The following MTMR3 variants were observed in gnomAD, a reference collection of about 807,000 sequenced individuals.
The protein encoded by MTMR3 is phosphatidylinositol-3,5-bisphosphate 3-phosphatase MTMR3.
In MTMR3, 32 loss-of-function variants were observed where a neutral mutation model predicts 132.4. The observed-to-expected ratio is 0.24, with a 90% CI of 0.18 to 0.32. MTMR3 has a LOEUF of 0.32. Ranked by LOEUF, MTMR3 falls within the 10% of genes least tolerant of loss-of-function variation. The probability of loss-of-function intolerance (pLI) is 1.00; values close to 1 mark genes in which losing one functional copy is unlikely to be tolerated. For missense variants in MTMR3, 1,216 were observed against 1,489.6 expected (o/e 0.82, Z 3.02); for synonymous variants, 556 against 550.3 (o/e 1.01, Z -0.14).
At chr22:30,014,925 A>G (rs1313266089) in intron 14 of MTMR3, 1 of 152,244 alleles carries the variant, frequency 6.6e-6, no homozygotes, top group African/African-American at 2.4e-5. Flanking sequence ...CTGTATGCTG[A>G]TGAGTCCCAC....
In MTMR3 at chr22:29,952,618, G is replaced by C. The variant is rs554810216; in HGVS notation, c.-137-4418G>C. Among the ~76,000 whole-genome samples, 8 of 152,248 alleles carry C rather than the reference G, an allele frequency of 5.3e-5. No individual in the cohort carries two copies. In the South Asian group the frequency reaches 1.0e-3, roughly 20 times the overall value. On this transcript the variant is annotated intron_variant, in intron 1 of 19. Coordinates refer to ENST00000401950, the MANE Select transcript of MTMR3 (RefSeq NM_021090.4). ...TAGGAACTTTGTTTTGTTCATTGCT[G>C]TATTTCTAGTTCCTAGAATAGTGCC...
intron 1 of MTMR3, among the ~76,000 whole-genome samples, chr22:29,901,787 A>G (rs1431944406): frequency 6.6e-6 from 1 of 152,200 alleles, no homozygotes; most frequent in Non-Finnish European, 1.5e-5. Flanking sequence ...CCTGGTCTCA[A>G]GGGATCCTCC....
At chr22:29,896,840 A>T (rs935402956) in intron 1 of MTMR3, among the ~76,000 whole-genome samples, 10 of 147,148 alleles carry the variant, frequency 6.8e-5, no homozygotes, top group African/African-American at 2.3e-4. Context: ...TTAGTTAAAA[A>T]TTTTATAGTA....
At chr22:29,984,441 A>G (rs1601376631) in intron 5 of MTMR3, 1 of 152,134 alleles carries the variant, frequency 6.6e-6, no homozygotes, top group South Asian at 2.1e-4. Flanking sequence ...GCATGTCTGT[A>G]TGTCTGTTAA....
rs2285645 is a variant in MTMR3, at chr22:30,026,719, C to T, written c.*918C>T. ...CTGGTCCCCTAAACAATCTCTTCCT[C>T]AGCCAGCACAGGGAAATCCAGACTC... On this transcript the variant is annotated 3_prime_UTR_variant, in exon 20 of 20. Coordinates refer to ENST00000401950, the MANE Select transcript of MTMR3 (RefSeq NM_021090.4). 0.064 allele frequency: 9,789 copies of T among 152,960 alleles called. 730 individuals are homozygous for T. Among genetic ancestry groups the T allele is most frequent in the African/African-American group, 0.17 (7,127 of 41,542 alleles). The allele number at this position is 152,960 out of a possible 1,614,324, so 9.5% of individuals were successfully genotyped here.
chr22:29,971,374 T>C (rs1310018869), intron 3 of MTMR3, among the ~76,000 whole-genome samples: 1 of 152,180 alleles, frequency 6.6e-6, no homozygotes, highest in East Asian at 1.9e-4. Context: ...TTTTAATTCC[T>C]TTTCTAGGAA....
rs986157791 is a variant in MTMR3 at position 29,941,184 on chromosome 22, C to T, written c.-137-15852C>T. 3.3e-5 allele frequency among the ~76,000 whole-genome samples: 5 copies of T among 152,194 alleles called. No individual in the cohort carries two copies. The East Asian group carries it at 7.7e-4, about 23-fold the overall frequency. On this transcript the variant is annotated intron_variant, in intron 1 of 19. Coordinates refer to ENST00000401950, the MANE Select transcript of MTMR3 (RefSeq NM_021090.4). ...TACAATATTCTTTTCTAACTTGTTG[C>T]TTTGAGTCAACATCATGCTTTTGAG...
Position 29,959,568 on chromosome 22 carries a change from G to A in MTMR3, c.-85+2480G>A, listed in dbSNP as rs536825663. On this transcript the variant is annotated intron_variant, in intron 2 of 19. Transcript: ENST00000401950. Reference sequence around the variant, plus strand: ...TAATTTTTGTGTTTTTAGTAGAGACGGGGTTTCACTATGTTGGCCAGGCTG... The same window carrying A: ...TAATTTTTGTGTTTTTAGTAGAGACAGGGTTTCACTATGTTGGCCAGGCTG... 2.2e-4 allele frequency among the ~76,000 whole-genome samples: 33 copies of A among 151,704 alleles called. No homozygotes were observed. The South Asian group carries it at 5.4e-3, about 25-fold the overall frequency.
At chr22:30,025,369 A>G in intron 19 of MTMR3, 1 of 512,754 alleles carries the variant, frequency 2.0e-6, no homozygotes, top group Non-Finnish European at 3.5e-6. Context: ...ATTCTTTTGT[A>G]TACCTGAGCA....
intron 1 of MTMR3, among the ~76,000 whole-genome samples, chr22:29,914,951 GTAGA>G (rs1430766962): frequency 6.6e-6 from 1 of 152,080 alleles, no homozygotes; most frequent in Non-Finnish European, 1.5e-5. Flanking sequence ...TTAACTTCCT[GTAGA>G]TATTTTACTG....
In MTMR3 at chr22:29,906,282, GTCTGTCTATCTA is replaced by G. The variant is rs1336120429; in HGVS notation, c.-138+22927_-138+22938del. Among the ~76,000 whole-genome samples the G allele has an allele frequency of 5.6e-3, 488 of 87,784 alleles. 3 individuals are homozygous for G. The highest frequency in any genetic ancestry group is 8.6e-3 in the East Asian group (23 of 2,676). 57.6% of individuals were successfully genotyped at this position (87,784 alleles called of 152,430 possible). The stretch of plus-strand genomic sequence containing the variant: ...TGTCTGTCTGTCTGTCTGTCTGTCT[GTCTGTCTATCTA>G]TCTATCTATCTATCTATCTATCTAT... On this transcript the variant is annotated intron_variant, in intron 1 of 19. Coordinates refer to ENST00000401950, the MANE Select transcript of MTMR3 (RefSeq NM_021090.4).
At chr22:30,008,196 T>C in intron 11 of MTMR3, 164 bp downstream of exon 11, 1 of 872,826 alleles carries the variant, frequency 1.1e-6, no homozygotes, top group Non-Finnish European at 1.7e-6. Context: ...CACTGTATGT[T>C]CTTTTCTGAG....
intron 1 of MTMR3, among the ~76,000 whole-genome samples, chr22:29,907,570 G>A (rs1243965809): frequency 6.6e-6 from 1 of 152,090 alleles, no homozygotes; most frequent in Non-Finnish European, 1.5e-5. Context: ...ACCTGAGACA[G>A]AAAAGTTGAG....
chr22:29,988,276 T>G (rs911593150), intron 5 of MTMR3: 1 of 361,424 alleles, frequency 2.8e-6, no homozygotes, highest in African/African-American at 2.1e-5. Context: ...TGACATGACT[T>G]GAGACCACTG....
chr22:30,000,696 G>C (rs1412556816), intron 8 of MTMR3: 1 of 152,178 alleles, frequency 6.6e-6, no homozygotes, highest in Non-Finnish European at 1.5e-5. Flanking sequence ...TGAAGAGTTG[G>C]AGCTGCAGAC....
chr22:30,023,286 A>G lies in MTMR3; in HGVS notation c.3425+589A>G, dbSNP rs1470479409. The G allele has an allele frequency of 6.0e-6, 4 of 665,084 alleles. No individual in the cohort carries two copies. The Admixed American group carries it at 9.6e-5, about 16-fold the overall frequency. 41.2% of individuals were successfully genotyped at this position (665,084 alleles called of 1,614,324 possible). A position where few individuals can be genotyped will look rare whatever the true frequency, so the allele number is the denominator to read the frequency against. ...GATGTTCAGTGTTCTTAGAAGAGGA[A>G]GTTTATCTGAATCATGCCATAGCTC... On this transcript the variant is annotated intron_variant, in intron 19 of 19. Transcript: ENST00000401950.
intron 1 of MTMR3, among the ~76,000 whole-genome samples, chr22:29,943,816 CT>C (rs551855412): frequency 3.2e-5 from 3 of 93,464 alleles, no homozygotes; most frequent in Non-Finnish European, 6.4e-5. Flanking sequence ...ATGTGGACAA[CT>C]TTTTTTTTTC....
chr22:29,898,759 C>T (rs2064950621), intron 1 of MTMR3, among the ~76,000 whole-genome samples: 1 of 152,078 alleles, frequency 6.6e-6, no homozygotes, highest in Non-Finnish European at 1.5e-5. Flanking sequence ...TGTTAGTTCC[C>T]TGAATCCCAT....
chr22:29,929,455 T>C (rs1228158665), intron 1 of MTMR3, among the ~76,000 whole-genome samples: 1 of 152,150 alleles, frequency 6.6e-6, no homozygotes, highest in East Asian at 1.9e-4. Context: ...TGTTGAACAT[T>C]TGCATTTCTT....
Sources: gnomAD v4.1 joint callset for allele counts (sites outside exome capture counted in the v4.1 genomes callset) on GRCh38, gnomAD v4.1.1 for gene constraint, MANE v1.5 for transcripts, NCBI Gene and HGNC (gene_info 2026-07-23, HGNC 2026-07-21) for gene names.